Variants in NBEA observed in about 807,000 individuals in gnomAD.
The protein encoded by NBEA is neurobeachin, also known as lysosomal-trafficking regulator 2.
In NBEA, 44 loss-of-function variants were observed where a neutral mutation model predicts 343.4. The observed-to-expected ratio is 0.13, with a 90% confidence interval of 0.10 to 0.16. The LOEUF is 0.16. NBEA is among the 10% of genes least tolerant of loss of function. The pLI is 1.00. For missense variants in NBEA, 2,555 were observed against 3,631.3 expected, an observed-to-expected ratio of 0.70 and a Z score of 7.62; for synonymous variants, 1,175 against 1,238.7, an observed-to-expected ratio of 0.95 and a Z score of 1.08.
chr13:35,349,066 AG>A (rs2040037427), intron 36 of NBEA, 41 bp from the exon 37 acceptor site: 4 of 1,149,298 alleles, frequency 3.5e-6, no homozygotes, highest in Middle Eastern at 4.1e-4. Context: ...GACTGACCAA[AG>A]CTATTAAGAA....
intron 47 of NBEA, among the ~76,000 whole-genome samples, chr13:35,599,711 C>T (rs2081966205): frequency 6.6e-6 from 1 of 152,214 alleles, no homozygotes; most frequent in South Asian, 2.1e-4. Context: ...GAAATAGACT[C>T]CACCTCTTTA....
intron 49 of NBEA, 67 bp downstream of exon 49, chr13:35,628,315 A>T (rs2153065751): frequency 1.7e-6 from 2 of 1,162,982 alleles, no homozygotes; most frequent in Non-Finnish European, 2.3e-6. Context: ...TTGACATTTC[A>T]TCTCTTTCTG....
rs1049997459 is a variant in NBEA, at chr13:35,390,506, T to C, written c.6179+38183T>C. ...CTTGAATAAACAATTAGAGAATCGA[T>C]GCCTGCAGAGAAAAGGCACTAAATG... On this transcript the variant is annotated intron_variant, in intron 38 of 58. Coordinates refer to ENST00000379939, the MANE Select transcript of NBEA (RefSeq NM_001385012.1). 2.0e-5 allele frequency among the ~76,000 whole-genome samples: 3 copies of C among 152,204 alleles called. No homozygotes were observed. In the South Asian group the frequency reaches 6.2e-4, roughly 31 times the overall value.
chr13:35,424,335 A>G (rs1191715068), intron 38 of NBEA, among the ~76,000 whole-genome samples: 2 of 152,126 alleles, frequency 1.3e-5, no homozygotes, highest in African/African-American at 4.8e-5. Context: ...TCAATACCTA[A>G]TTTATTGAGA....
intron 45 of NBEA, among the ~76,000 whole-genome samples, chr13:35,577,185 G>A (rs954281178): frequency 3.3e-5 from 5 of 152,140 alleles, no homozygotes; most frequent in Admixed American, 6.6e-5. Context: ...AGTTTCATCC[G>A]ATCAAGTTGA....
chr13:35,048,724 T>C (rs776269149), intron 5 of NBEA, 40 bp downstream of exon 5: 1 of 1,103,542 alleles, frequency 9.1e-7, no homozygotes, highest in South Asian at 1.5e-5. Flanking sequence ...TTTCTTTAAG[T>C]ACTTGAATTC....
intron 44 of NBEA, among the ~76,000 whole-genome samples, chr13:35,559,496 G>A (rs2079749946): frequency 6.6e-6 from 1 of 152,006 alleles, no homozygotes; most frequent in Non-Finnish European, 1.5e-5. Context: ...AATTTCTTAG[G>A]TAATCTAAAG....
intron 16 of NBEA, among the ~76,000 whole-genome samples, chr13:35,121,743 A>G (rs999411680): frequency 3.3e-5 from 5 of 152,174 alleles, no homozygotes; most frequent in Non-Finnish European, 4.4e-5. Context: ...TTTTAATAGT[A>G]TAAGCTCTTG....
chr13:35,445,577 G>A (rs1469459517), intron 39 of NBEA, among the ~76,000 whole-genome samples: 1 of 151,762 alleles, frequency 6.6e-6, no homozygotes, highest in African/African-American at 2.4e-5. Context: ...TGAGGAAACT[G>A]TAAAGTACAT....
chr13:35,357,181 A>AAAATATT (rs58221490), intron 38 of NBEA, among the ~76,000 whole-genome samples: 43,885 of 151,726 alleles, frequency 0.29, 8,067 homozygotes, highest in African/African-American at 0.53. Context: ...TAGTTTTGAT[A>AAAATATT]CTTTCCACAT....
intron 55 of NBEA, among the ~76,000 whole-genome samples, chr13:35,656,694 T>C (rs1432092447): frequency 6.6e-6 from 1 of 152,220 alleles, no homozygotes; most frequent in Non-Finnish European, 1.5e-5. Flanking sequence ...CTTTCAATAG[T>C]TCACTCAAAT....
At chr13:35,052,687 C>T (rs1034966676) in intron 6 of NBEA, among the ~76,000 whole-genome samples, 1 of 151,418 alleles carries the variant, frequency 6.6e-6, no homozygotes, top group African/African-American at 2.4e-5. Flanking sequence ...TTGAAAAACT[C>T]ATTTGTGTCT....
At position 35,196,590 on chromosome 13, in the gene NBEA, A is replaced by G. The variant is rs369079699; in HGVS notation, c.5366+288A>G. 4.6e-5 allele frequency among the ~76,000 whole-genome samples: 7 copies of G among 152,078 alleles called. No individual in the cohort carries two copies. In the East Asian group the frequency reaches 1.4e-3, roughly 29 times the overall value. On this transcript the variant is annotated intron_variant, in intron 31 of 58. Transcript: ENST00000379939. ...AAGGACTACAGTACATCGGGGTGTTATTTTTCTCTTTGGACTTAGTCGTTT... is the reference window on the plus strand; with the variant it reads ...AAGGACTACAGTACATCGGGGTGTTGTTTTTCTCTTTGGACTTAGTCGTTT...
chr13:35,423,930 C>T (rs2044470827), intron 38 of NBEA, among the ~76,000 whole-genome samples: 1 of 152,124 alleles, frequency 6.6e-6, no homozygotes, highest in African/African-American at 2.4e-5. Context: ...TGCGAGTTCA[C>T]TCATGATTTG....
chr13:35,547,037 G>A (rs1459465666), intron 41 of NBEA, among the ~76,000 whole-genome samples: 1 of 152,176 alleles, frequency 6.6e-6, no homozygotes, highest in African/African-American at 2.4e-5. Flanking sequence ...TCCTAGCAGG[G>A]AATTATGGCT....
At chr13:35,462,478 T>G (rs2046961113) in intron 40 of NBEA, among the ~76,000 whole-genome samples, 1 of 152,164 alleles carries the variant, frequency 6.6e-6, no homozygotes, top group Non-Finnish European at 1.5e-5. Flanking sequence ...CTAAATTACT[T>G]AGGTAGAAAG....
At chr13:35,623,833 T>A (rs1236487315) in intron 48 of NBEA, among the ~76,000 whole-genome samples, 2 of 152,102 alleles carry the variant, frequency 1.3e-5, no homozygotes, top group Non-Finnish European at 2.9e-5. Flanking sequence ...ACACGTAAAT[T>A]CTACCAAATT....
Position 35,476,706 on chromosome 13 carries a change from T to G in NBEA, c.6585+4170T>G, listed in dbSNP as rs117417493. On this transcript the variant is annotated intron_variant, in intron 41 of 58. Coordinates refer to ENST00000379939, the MANE Select transcript of NBEA (RefSeq NM_001385012.1). Reference sequence around the variant, plus strand: ...GGTTTGTCTAAGAGCCCAGATGCACTCGTGTGGAAATTATAAAGGCAGGGC... The same window carrying G: ...GGTTTGTCTAAGAGCCCAGATGCACGCGTGTGGAAATTATAAAGGCAGGGC... The G allele has an allele frequency of 5.4e-4, 561 of 1,036,062 alleles. 11 individuals are homozygous for G. In the East Asian group the frequency reaches 0.024, roughly 45 times the overall value. 64.2% of individuals were successfully genotyped at this position (1,036,062 alleles called of 1,614,324 possible).
chr13:34,988,441 G>A (rs1174278026), intron 1 of NBEA, among the ~76,000 whole-genome samples: 1 of 151,176 alleles, frequency 6.6e-6, no homozygotes, highest in Non-Finnish European at 1.5e-5. Context: ...GAGCTGTGGT[G>A]GGGTCCACCC....
Sources: allele counts gnomAD v4.1 joint callset (sites outside exome capture counted in the v4.1 genomes callset), GRCh38; gene constraint gnomAD v4.1.1; transcripts MANE v1.5; gene names NCBI Gene and HGNC (gene_info 2026-07-23, HGNC 2026-07-21).